JAKMIP2: variants seen among roughly 807,000 people sequenced by gnomAD.
JAKMIP2 encodes janus kinase and microtubule-interacting protein 2.
A neutral mutation model predicts 115.0 loss-of-function variants in JAKMIP2; 25 were observed. That is an observed-to-expected ratio of 0.22 (90% CI 0.16 to 0.30). The LOEUF is 0.30. Among genes scored for constraint, JAKMIP2 ranks in the 10% least tolerant of loss-of-function variants. JAKMIP2 has a pLI of 1.00. For missense variants in JAKMIP2, 642 were observed against 957.6 expected (o/e 0.67, Z 4.35); for synonymous variants, 334 against 343.6 (o/e 0.97, Z 0.31).
At chr5:147,754,495 G>A (rs907547761) in intron 1 of JAKMIP2, among the ~76,000 whole-genome samples, 4 of 152,134 alleles carry the variant, frequency 2.6e-5, no homozygotes, top group African/African-American at 9.7e-5. Flanking sequence ...GGACATGGTG[G>A]CAGAGCTGAG....
chr5:147,632,944 T>C (rs1561503634), intron 12 of JAKMIP2, 166 bp from the exon 13 acceptor site: 1 of 555,868 alleles, frequency 1.8e-6, no homozygotes, highest in Non-Finnish European at 3.2e-6. Flanking sequence ...GCTTTCCTTC[T>C]AGTTATCCTT....
intron 1 of JAKMIP2, among the ~76,000 whole-genome samples, chr5:147,765,352 T>C (rs960341117): frequency 5.3e-5 from 8 of 152,128 alleles, no homozygotes; most frequent in Admixed American, 5.2e-4. Flanking sequence ...ATGGTGATGA[T>C]GTAATTACTT....
intron 1 of JAKMIP2, among the ~76,000 whole-genome samples, chr5:147,761,423 A>C (rs978644659): frequency 6.6e-6 from 1 of 152,086 alleles, no homozygotes; most frequent in Admixed American, 6.6e-5. Context: ...CAGAGAGGTT[A>C]GGTACCTTAA....
chr5:147,760,298 T>G (rs1160021690), intron 1 of JAKMIP2, among the ~76,000 whole-genome samples: 1 of 151,600 alleles, frequency 6.6e-6, no homozygotes, highest in Non-Finnish European at 1.5e-5. Context: ...TGAGATTACC[T>G]GGGGAGAATG....
At chr5:147,684,535 G>C (rs1760478980) in intron 1 of JAKMIP2, among the ~76,000 whole-genome samples, 1 of 152,150 alleles carries the variant, frequency 6.6e-6, no homozygotes, top group African/African-American at 2.4e-5. Flanking sequence ...AAGTTAAAAA[G>C]GTAGGACAAG....
At chr5:147,681,198 AAAGCACTCAGCACACATACAAGAGACAT>A (rs1760250542) in intron 1 of JAKMIP2, among the ~76,000 whole-genome samples, 1 of 152,216 alleles carries the variant, frequency 6.6e-6, no homozygotes, top group African/African-American at 2.4e-5. Context: ...GTATGGAGAG[AAAGCACTCAGCACACATACAAGAGACAT>A]CCAGCCTCTT....
intron 18 of JAKMIP2, among the ~76,000 whole-genome samples, chr5:147,620,202 C>T (rs575873387): frequency 3.3e-4 from 51 of 152,308 alleles, no homozygotes; most frequent in Admixed American, 1.2e-3. Flanking sequence ...TCAATGAATC[C>T]TCCCTCCTCA....
chr5:147,612,138 T>C (rs1345635193), intron 20 of JAKMIP2, 168 bp downstream of exon 20: 4 of 739,932 alleles, frequency 5.4e-6, no homozygotes, highest in Non-Finnish European at 1.0e-5. Context: ...GGCAGACGCT[T>C]TGCTGGCATT....
chr5:147,659,859 C>T (rs1174874335), intron 3 of JAKMIP2, among the ~76,000 whole-genome samples: 1 of 152,064 alleles, frequency 6.6e-6, no homozygotes, highest in Non-Finnish European at 1.5e-5. Context: ...CACTCTATTG[C>T]AGTATAAAGA....
chr5:147,692,306 T>C (rs55843547), intron 1 of JAKMIP2, among the ~76,000 whole-genome samples: 48,790 of 151,992 alleles, frequency 0.32, 10,033 homozygotes, highest in African/African-American at 0.56. Context: ...ATAGTCTTCT[T>C]AGAGCTCCGG....
chr5:147,691,846 G>A (rs930407984), intron 1 of JAKMIP2, among the ~76,000 whole-genome samples: 2 of 152,136 alleles, frequency 1.3e-5, no homozygotes, highest in African/African-American at 4.8e-5. Context: ...GTGACTCCTT[G>A]AGACTTTTTG....
intron 1 of JAKMIP2, among the ~76,000 whole-genome samples, chr5:147,770,947 A>G (rs1755330887): frequency 6.6e-6 from 1 of 152,162 alleles, no homozygotes; most frequent in Admixed American, 6.6e-5. Flanking sequence ...GGTTTATTTT[A>G]GGACTGGGAT....
intron 1 of JAKMIP2, among the ~76,000 whole-genome samples, chr5:147,699,153 A>T (rs1265014874): frequency 6.6e-6 from 1 of 152,250 alleles, no homozygotes; most frequent in South Asian, 2.1e-4. Context: ...ACACTAAAGC[A>T]TATCACATTT....
intron 2 of JAKMIP2, 48 bp from the exon 3 acceptor site, chr5:147,661,493 C>G: frequency 1.3e-6 from 2 of 1,556,108 alleles, no homozygotes; most frequent in South Asian, 1.2e-5. Context: ...CCTCAAAGGA[C>G]GGGTGTGCTC....
chr5:147,659,471 T>G (rs990274600), intron 3 of JAKMIP2, among the ~76,000 whole-genome samples: 1 of 152,176 alleles, frequency 6.6e-6, no homozygotes, highest in African/African-American at 2.4e-5. Flanking sequence ...CTGAGCTGTT[T>G]CCATTCGGCC....
At position 147,631,498 on chromosome 5, in the gene JAKMIP2, C is replaced by T. The variant is rs371879474; in HGVS notation, c.1790G>A (p.Arg597Gln). 3.1e-6 allele frequency: 5 copies of T among 1,606,036 alleles called. No individual in the cohort carries two copies. The highest frequency in any genetic ancestry group is 1.3e-5 in the African/African-American group (1 of 74,806). ...RNLELEERER[R>Q]SPPFNLQIHP... Reference sequence around the variant, plus strand: ...AATTTGGAGATTAAATGGAGGGGATCGTCTCTCTCTCTCCTTGAAACACAG... The same window carrying T: ...AATTTGGAGATTAAATGGAGGGGATTGTCTCTCTCTCTCCTTGAAACACAG... The change falls in exon 14 of 22, where the codon CGA becomes CAA. Residue 597 changes from arginine (R) to glutamine (Q), a missense_variant. Arg to Gln is a conservative substitution (Grantham distance 43). Coordinates refer to ENST00000616793, the MANE Select transcript of JAKMIP2 (RefSeq NM_001270941.2).
intron 21 of JAKMIP2, among the ~76,000 whole-genome samples, chr5:147,594,079 A>G (rs949097992): frequency 6.6e-6 from 1 of 152,208 alleles, no homozygotes; most frequent in Non-Finnish European, 1.5e-5. Context: ...TTAAAAACCA[A>G]TGGACTTACA....
chr5:147,704,649 G>A (rs1752497003), intron 1 of JAKMIP2, among the ~76,000 whole-genome samples: 1 of 152,140 alleles, frequency 6.6e-6, no homozygotes, highest in South Asian at 2.1e-4. Flanking sequence ...CTTCTTCATG[G>A]AAAGCCAACT....
chr5:147,686,959 A>G (rs1402976846), intron 1 of JAKMIP2, among the ~76,000 whole-genome samples: 1 of 152,214 alleles, frequency 6.6e-6, no homozygotes, highest in East Asian at 1.9e-4. Flanking sequence ...AGGGCTCATA[A>G]TTTTTTCTTA....
Sources: allele counts gnomAD v4.1 joint callset (sites outside exome capture counted in the v4.1 genomes callset), GRCh38; gene constraint gnomAD v4.1.1; transcripts MANE v1.5; gene names NCBI Gene and HGNC (gene_info 2026-07-23, HGNC 2026-07-21).